The following ANKRD55 variants were observed in gnomAD, a reference collection of about 807,000 sequenced individuals.
ANKRD55 encodes the protein ankyrin repeat domain-containing protein 55.
In ANKRD55, 41 loss-of-function variants were observed where a neutral mutation model predicts 60.6. The ratio of observed to expected loss-of-function variants is 0.68; its 90% CI spans 0.53 to 0.88. The LOEUF is 0.88. Ranked by LOEUF, ANKRD55 falls within the 40% of genes least tolerant of loss-of-function variation. ANKRD55 has a pLI of 0.00. For missense variants in ANKRD55, 732 were observed against 767.6 expected (o/e 0.95, Z 0.55); for synonymous variants, 264 against 290.3 (o/e 0.91, Z 0.92).
In ANKRD55 at chr5:56,112,504, C is replaced by CAAA. The variant is rs1187255213; in HGVS notation, c.966-725_966-723dup. On this transcript the variant is annotated intron_variant, in intron 9 of 11. Transcript: ENST00000341048. ...CAACATGGCAGGATCTCATCTCTAG[C>CAAA]AAAAAAAAAAAAAAAAAACAACCAA... Among the ~76,000 whole-genome samples the CAAA allele has an allele frequency of 8.6e-4, 22 of 25,654 alleles. 1 individual carries two copies. Among genetic ancestry groups the CAAA allele is most frequent in the African/African-American group, 2.0e-3 (11 of 5,530 alleles). 16.8% of individuals were successfully genotyped at this position (25,654 alleles called of 152,430 possible).
chr5:56,192,936 G>A, intron 2 of ANKRD55: 4 of 631,002 alleles, frequency 6.3e-6, no homozygotes, highest in East Asian at 3.3e-5. Context: ...AAAGACTTCC[G>A]TGCTGTGGGA....
intron 6 of ANKRD55, among the ~76,000 whole-genome samples, chr5:56,149,236 T>C: frequency 6.6e-6 from 1 of 152,194 alleles, no homozygotes; most frequent in East Asian, 1.9e-4. Flanking sequence ...AGCATCACGA[T>C]AGCCAAAGAC....
At chr5:56,221,165 T>G (rs1425155347) in intron 2 of ANKRD55, among the ~76,000 whole-genome samples, 1 of 152,142 alleles carries the variant, frequency 6.6e-6, no homozygotes, top group Non-Finnish European at 1.5e-5. Flanking sequence ...CTTTCCCATC[T>G]CCTATGCTTG....
At chr5:56,121,667 G>A (rs566807924) in intron 8 of ANKRD55, among the ~76,000 whole-genome samples, 27 of 151,554 alleles carry the variant, frequency 1.8e-4, no homozygotes, top group South Asian at 1.0e-3. Context: ...CACCACACCC[G>A]GCCAGTGTTC....
chr5:56,148,155 A>C (rs895178922), intron 6 of ANKRD55, among the ~76,000 whole-genome samples: 2 of 152,246 alleles, frequency 1.3e-5, no homozygotes, highest in African/African-American at 4.8e-5. Context: ...ATCAAAGATC[A>C]CTTGGACTCA....
chr5:56,122,459 T>C (rs1757094934), intron 8 of ANKRD55, among the ~76,000 whole-genome samples: 1 of 151,808 alleles, frequency 6.6e-6, no homozygotes, highest in Non-Finnish European at 1.5e-5. Flanking sequence ...AAGACCAGTC[T>C]GGCCAACATG....
intron 5 of ANKRD55, among the ~76,000 whole-genome samples, chr5:56,166,062 A>T (rs1291696751): frequency 6.9e-6 from 1 of 145,518 alleles, no homozygotes; most frequent in Non-Finnish European, 1.5e-5. Flanking sequence ...ACTCCTGGCC[A>T]CCCTTCAGGG....
chr5:56,214,213 G>A (rs1759748232), intron 2 of ANKRD55, among the ~76,000 whole-genome samples: 1 of 152,208 alleles, frequency 6.6e-6, no homozygotes, highest in South Asian at 2.1e-4. Context: ...AGATTTGGGT[G>A]GGGGCACAGC....
At chr5:56,115,406 C>T (rs1756858654) in intron 9 of ANKRD55, among the ~76,000 whole-genome samples, 1 of 151,272 alleles carries the variant, frequency 6.6e-6, no homozygotes, top group Non-Finnish European at 1.5e-5. Context: ...GCAACCTCCA[C>T]CTCCCAGGCT....
intron 6 of ANKRD55, among the ~76,000 whole-genome samples, chr5:56,158,833 A>G (rs1441971207): frequency 1.3e-5 from 2 of 152,104 alleles, no homozygotes; most frequent in African/African-American, 4.8e-5. Context: ...AGCTGGGACT[A>G]TAGGCATGTG....
At chr5:56,222,552 C>T (rs1363057122) in intron 2 of ANKRD55, among the ~76,000 whole-genome samples, 1 of 152,216 alleles carries the variant, frequency 6.6e-6, no homozygotes, top group Non-Finnish European at 1.5e-5. Flanking sequence ...TAACAAACTT[C>T]TCTGAGCTAA....
At chr5:56,123,020 C>A (rs533410066) in intron 8 of ANKRD55, among the ~76,000 whole-genome samples, 1 of 152,196 alleles carries the variant, frequency 6.6e-6, no homozygotes, top group South Asian at 2.1e-4. Flanking sequence ...TCTGCCTCAG[C>A]CTCCCAAAGT....
At chr5:56,174,902 C>T (rs1479905997) in intron 4 of ANKRD55, among the ~76,000 whole-genome samples, 3 of 152,076 alleles carry the variant, frequency 2.0e-5, no homozygotes, top group Non-Finnish European at 4.4e-5. Flanking sequence ...CACCAACTAC[C>T]CCAGTCCTGC....
In ANKRD55 at chr5:56,178,488, G is replaced by GAA. The variant is rs201181166; in HGVS notation, c.182-2208_182-2207dup. 1.1e-3 allele frequency among the ~76,000 whole-genome samples: 149 copies of GAA among 138,222 alleles called. 4 individuals carry two copies. The South Asian group carries it at 0.027, about 25-fold the overall frequency. 90.7% of individuals were successfully genotyped at this position (138,222 alleles called of 152,430 possible). ...GGTACATTTGTCCTTGTAGAAAATA[G>GAA]AAAAAAAAAAACCCTCAAAATAAAA... is the stretch of plus-strand genomic sequence containing the variant. On this transcript the variant is annotated intron_variant, in intron 3 of 11. Transcript: ENST00000341048.
At chr5:56,115,940 C>T (rs148762025) in intron 9 of ANKRD55, among the ~76,000 whole-genome samples, 35 of 152,044 alleles carry the variant, frequency 2.3e-4, no homozygotes, top group African/African-American at 8.0e-4. Flanking sequence ...CTGCAAACTC[C>T]ATCGCCCAGG....
intron 7 of ANKRD55, chr5:56,136,924 T>C (rs1757618502): frequency 2.4e-6 from 1 of 422,818 alleles, no homozygotes; most frequent in Admixed American, 3.4e-5. Context: ...TCTAAAATTA[T>C]ATAAGAATTC....
In ANKRD55 at chr5:56,171,484, T is replaced by C. The variant is rs567208410; in HGVS notation, c.313-681A>G. ...CAACATTTACTGCTGGGTCATCTTC[T>C]CATTGTCTTTCCCATTTCAAAGGGC... On this transcript the variant is annotated intron_variant, in intron 4 of 11. Transcript: ENST00000341048. Among the ~76,000 whole-genome samples, 19 of 152,322 alleles carry C rather than the reference T, an allele frequency of 1.2e-4. No individual in the cohort carries two copies. The East Asian group carries it at 3.7e-3, about 29-fold the overall frequency.
At chr5:56,229,907 T>C (rs1408078545) in intron 2 of ANKRD55, among the ~76,000 whole-genome samples, 1 of 152,104 alleles carries the variant, frequency 6.6e-6, no homozygotes, top group African/African-American at 2.4e-5. Flanking sequence ...AGGACCCAAC[T>C]TTGAACCTCT....
chr5:56,206,909 C>T lies in ANKRD55; in HGVS notation c.59-23275G>A, dbSNP rs1020130549. The stretch of plus-strand genomic sequence containing the variant: ...TAGGACAGTGGCAGGTAGTGTCTGC[C>T]GGGGTGGCAGGGCTGGTGGACCGGC... On this transcript the variant is annotated intron_variant, in intron 2 of 11. Coordinates refer to ENST00000341048, the MANE Select transcript of ANKRD55 (RefSeq NM_024669.3). Among the ~76,000 whole-genome samples, 9 of 152,110 alleles carry T rather than the reference C, an allele frequency of 5.9e-5. No individual in the cohort carries two copies. In the East Asian group the frequency reaches 7.7e-4, roughly 13 times the overall value.
Sources: allele counts gnomAD v4.1 joint callset (sites outside exome capture counted in the v4.1 genomes callset), GRCh38; gene constraint gnomAD v4.1.1; transcripts MANE v1.5; gene names NCBI Gene and HGNC (gene_info 2026-07-23, HGNC 2026-07-21).